The following TNNI3K variants were observed in gnomAD, a reference collection of about 807,000 sequenced individuals.
TNNI3K encodes the protein serine/threonine-protein kinase TNNI3K.
In TNNI3K, 140 loss-of-function variants were observed where a neutral mutation model predicts 114.5. That is an observed-to-expected ratio of 1.22 (90% confidence interval 1.07 to 1.41). The LOEUF (loss-of-function observed/expected upper bound fraction) is 1.41, where lower values mean the gene tolerates loss of function less well. Ranked by LOEUF, TNNI3K falls within the 40% of genes most tolerant of loss-of-function variation. The pLI is 0.00. For synonymous variants in TNNI3K, 347 were observed against 347.5 expected (o/e 1.00, Z 0.02); for missense variants, 1,125 against 1,007.6 (o/e 1.12, Z -1.58).
intron 5 of TNNI3K, among the ~76,000 whole-genome samples, chr1:74,321,764 T>A (rs1659621543): frequency 6.6e-6 from 1 of 152,158 alleles, no homozygotes; most frequent in South Asian, 2.1e-4. Context: ...AAGAGAAAGA[T>A]CACATAAAAA....
At chr1:74,271,535 G>T (rs754504050) in intron 4 of TNNI3K, 63 bp from the exon 5 acceptor site, 1 of 1,466,088 alleles carries the variant, frequency 6.8e-7, no homozygotes, top group Non-Finnish European at 9.2e-7. Context: ...AATACATCCT[G>T]TTGCACAGCT....
chr1:74,258,843 A>G (rs1465224420), intron 4 of TNNI3K, among the ~76,000 whole-genome samples: 3 of 152,226 alleles, frequency 2.0e-5, no homozygotes. Flanking sequence ...TTTAAAATGA[A>G]TATTTCCCTT....
chr1:74,280,929 G>C (rs1475186556), intron 5 of TNNI3K, among the ~76,000 whole-genome samples: 2 of 152,160 alleles, frequency 1.3e-5, no homozygotes, highest in African/African-American at 4.8e-5. Context: ...TTGGGAACGG[G>C]AGAAGGAAGA....
chr1:74,323,019 T>C (rs1396001924), intron 5 of TNNI3K, among the ~76,000 whole-genome samples: 1 of 152,196 alleles, frequency 6.6e-6, no homozygotes, highest in Non-Finnish European at 1.5e-5. Flanking sequence ...ATGGAAAAAT[T>C]GCTAAAATTC....
At chr1:74,368,089 T>C in intron 13 of TNNI3K, 125 bp downstream of exon 13, 1 of 884,910 alleles carries the variant, frequency 1.1e-6, no homozygotes, top group South Asian at 2.4e-5. Context: ...ACAAATATTA[T>C]TGACAGACCG....
chr1:74,373,794 T>A (rs1570539927), intron 17 of TNNI3K: 1 of 151,940 alleles, frequency 6.6e-6, no homozygotes, highest in South Asian at 2.1e-4. Context: ...TGCAATTGTT[T>A]GAGTGAAAAA....
At chr1:74,513,733 T>A (rs1235028220) in intron 23 of TNNI3K, among the ~76,000 whole-genome samples, 1 of 152,222 alleles carries the variant, frequency 6.6e-6, no homozygotes, top group Non-Finnish European at 1.5e-5. Flanking sequence ...GAGAAATATT[T>A]TTTGGAAAGT....
chr1:74,477,777 C>T (rs188119667), intron 21 of TNNI3K, among the ~76,000 whole-genome samples: 3 of 152,048 alleles, frequency 2.0e-5, no homozygotes, highest in Non-Finnish European at 2.9e-5. Flanking sequence ...TGTAGGCAGG[C>T]GGAATGTGCT....
At position 74,354,128 on chromosome 1, in the gene TNNI3K, AG is replaced by A; in HGVS notation, c.1177+1del. ...CATGTTTGATGTGGGCTTATGAAAAAGGTATATTTTTAATCATCGTGTCTCT... is the reference window on the plus strand; with the variant it reads ...CATGTTTGATGTGGGCTTATGAAAAAGTATATTTTTAATCATCGTGTCTCT... ...QTCLMWAYEK[G>X]HDAIVTLLKH... On this transcript the variant is annotated frameshift_variant and splice_region_variant, in exon 11 of 25. Transcript: ENST00000326637. LOFTEE classifies it high-confidence loss of function. The A allele has an allele frequency of 6.2e-7, 1 of 1,613,952 alleles. No homozygotes were observed. Among genetic ancestry groups the A allele is most frequent in the Non-Finnish European group, 8.5e-7 (1 of 1,179,928 alleles).
intron 5 of TNNI3K, among the ~76,000 whole-genome samples, chr1:74,317,613 G>A (rs1321434839): frequency 6.6e-6 from 1 of 152,146 alleles, no homozygotes; most frequent in African/African-American, 2.4e-5. Flanking sequence ...AGAGAAAATG[G>A]CCAGGGACCA....
intron 9 of TNNI3K, among the ~76,000 whole-genome samples, chr1:74,344,772 A>G (rs1274617510): frequency 6.6e-6 from 1 of 152,210 alleles, no homozygotes; most frequent in African/African-American, 2.4e-5. Context: ...TTGAAAGTAT[A>G]TACCCAATTG....
intron 5 of TNNI3K, among the ~76,000 whole-genome samples, chr1:74,326,966 A>C (rs954170012): frequency 1.3e-5 from 2 of 151,936 alleles, no homozygotes; most frequent in African/African-American, 4.8e-5. Context: ...CTGTAGTCCC[A>C]GCTACTCAGG....
chr1:74,244,754 G>A (rs1009794418), intron 2 of TNNI3K, among the ~76,000 whole-genome samples: 2 of 151,310 alleles, frequency 1.3e-5, no homozygotes, highest in African/African-American at 4.9e-5. Context: ...GAGGCGTATA[G>A]TAGGTGTTTA....
chr1:74,331,107 G>A (rs1660176119), intron 5 of TNNI3K, among the ~76,000 whole-genome samples: 1 of 152,102 alleles, frequency 6.6e-6, no homozygotes, highest in African/African-American at 2.4e-5. Context: ...TGAGGCAGAA[G>A]GACATTTCTG....
At chr1:74,259,427 T>C (rs1462738743) in intron 4 of TNNI3K, among the ~76,000 whole-genome samples, 1 of 152,208 alleles carries the variant, frequency 6.6e-6, no homozygotes, top group East Asian at 1.9e-4. Context: ...TATTCAGGCC[T>C]TCCAAAGATT....
At chr1:74,440,224 T>C (rs191628471) in intron 20 of TNNI3K, among the ~76,000 whole-genome samples, 7 of 152,082 alleles carry the variant, frequency 4.6e-5, no homozygotes, top group African/African-American at 1.7e-4. Context: ...AGGTAAAATA[T>C]ACACATATTT....
chr1:74,400,345 AG>A (rs1463283103), intron 17 of TNNI3K, among the ~76,000 whole-genome samples: 2 of 152,204 alleles, frequency 1.3e-5, no homozygotes, highest in Non-Finnish European at 2.9e-5. Flanking sequence ...GAAATAATTA[AG>A]GTAACTGACT....
intron 17 of TNNI3K, among the ~76,000 whole-genome samples, chr1:74,426,232 T>C (rs1665635375): frequency 6.6e-6 from 1 of 152,080 alleles, no homozygotes; most frequent in African/African-American, 2.4e-5. Context: ...ATCCCCACTT[T>C]GCAAGGAGCT....
At chr1:74,535,441 GCC>G (rs1646649050) in intron 23 of TNNI3K, among the ~76,000 whole-genome samples, 2 of 152,162 alleles carry the variant, frequency 1.3e-5, no homozygotes, top group African/African-American at 4.8e-5. Flanking sequence ...CTGCAATCCA[GCC>G]TGGGTGACTG....
Sources: gnomAD v4.1 joint callset for allele counts (sites outside exome capture counted in the v4.1 genomes callset) on GRCh38, gnomAD v4.1.1 for gene constraint, MANE v1.5 for transcripts, NCBI Gene and HGNC (gene_info 2026-07-23, HGNC 2026-07-21) for gene names.